FHL5: variants seen among roughly 807,000 people sequenced by gnomAD.
FHL5 encodes the protein four and a half LIM domains 5.
Under a neutral mutation model 32.0 loss-of-function variants are expected in FHL5, and 33 were observed. The ratio of observed to expected loss-of-function variants is 1.03; its 90% CI spans 0.78 to 1.38. The LOEUF (loss-of-function observed/expected upper bound fraction) is 1.38, where lower values mean the gene tolerates loss of function less well. Among genes scored for constraint, FHL5 ranks in the 40% most tolerant of loss-of-function variants. FHL5 has a pLI of 0.00. For synonymous variants in FHL5, 114 were observed against 113.6 expected, an observed-to-expected ratio of 1.00 and a Z score of -0.02; for missense variants, 336 against 343.9, an observed-to-expected ratio of 0.98 and a Z score of 0.18.
At chr6:96,571,969 A>G (rs1770488166) in intron 1 of FHL5, among the ~76,000 whole-genome samples, 1 of 152,114 alleles carries the variant, frequency 6.6e-6, no homozygotes, top group African/African-American at 2.4e-5. Context: ...TGGGTAGGAA[A>G]AAACACAGCA....
intron 1 of FHL5, among the ~76,000 whole-genome samples, chr6:96,587,184 C>T (rs1477974761): frequency 1.3e-5 from 2 of 152,076 alleles, no homozygotes; most frequent in South Asian, 2.1e-4. Context: ...AGCTGAAAAA[C>T]GCACAAGAAA....
At chr6:96,612,947 T>C (rs983510965) in intron 5 of FHL5, among the ~76,000 whole-genome samples, 1 of 152,184 alleles carries the variant, frequency 6.6e-6, no homozygotes, top group Non-Finnish European at 1.5e-5. Context: ...TTAATCTGAT[T>C]ATTATGTCAC....
At chr6:96,566,878 T>C (rs1029432318) in intron 1 of FHL5, among the ~76,000 whole-genome samples, 1 of 152,028 alleles carries the variant, frequency 6.6e-6, no homozygotes. Flanking sequence ...TTTTATATTA[T>C]GAATATTAAA....
rs1480689541 is a variant in FHL5 at position 96,604,836 on chromosome 6, T to C, written c.246T>C (p.Ala82=). Residue 82 remains alanine, a synonymous_variant, in exon 3 of 6, where the codon GCT becomes GCC. Transcript: ENST00000450218. ...CNHSLVEKPF[A]AKDERLLCTE... Reference sequence around the variant, plus strand: ...ACTCTTTGGTGGAAAAGCCTTTTGCTGCCAAGGATGAGCGCCTGCTGTGCA... The same window carrying C: ...ACTCTTTGGTGGAAAAGCCTTTTGCCGCCAAGGATGAGCGCCTGCTGTGCA... 1.2e-6 allele frequency: 2 copies of C among 1,614,100 alleles called. No individual in the cohort carries two copies. The highest frequency in any genetic ancestry group is 1.7e-6 in the Non-Finnish European group (2 of 1,179,930).
In FHL5 at chr6:96,614,998, G is replaced by A. The variant is rs187025613; in HGVS notation, c.692-611G>A. Among the ~76,000 whole-genome samples the A allele has an allele frequency of 2.1e-3, 316 of 149,048 alleles. 1 individual carries two copies. The highest frequency in any genetic ancestry group is 5.0e-3 in the African/African-American group (200 of 39,864). ...GGTAATAAGGCCATCACGTTAGGAT[G>A]GCTGAATGATTAGACAAAATCCTCT... On this transcript the variant is annotated intron_variant, in intron 5 of 5. Coordinates refer to ENST00000450218, the MANE Select transcript of FHL5 (RefSeq NM_001322466.2).
Position 96,617,877 on chromosome 6 carries a change from A to G in FHL5, c.*2105A>G, listed in dbSNP as rs967193977. On this transcript the variant is annotated 3_prime_UTR_variant, in exon 6 of 6. Coordinates refer to ENST00000450218, the MANE Select transcript of FHL5 (RefSeq NM_001322466.2). ...AAGATTTTATTATCCTTTCATAAGT[A>G]TAAATATATATACTTTTACATATAA... 6.6e-6 allele frequency among the ~76,000 whole-genome samples: 1 copy of G among 152,222 alleles called. No individual in the cohort carries two copies. The highest frequency in any genetic ancestry group is 1.5e-5 in the Non-Finnish European group (1 of 68,052).
chr6:96,588,383 T>A (rs989146174), intron 1 of FHL5, among the ~76,000 whole-genome samples: 32 of 152,252 alleles, frequency 2.1e-4, no homozygotes, highest in African/African-American at 7.7e-4. Context: ...GCTAATTTTG[T>A]ATTTTCAGTA....
At chr6:96,600,977 G>A (rs538928217) in intron 1 of FHL5, among the ~76,000 whole-genome samples, 1 of 152,154 alleles carries the variant, frequency 6.6e-6, no homozygotes. Flanking sequence ...GACTGATTCT[G>A]TTCTCACCCT....
Position 96,571,962 on chromosome 6 carries a change from G to A in FHL5, c.-13+8607G>A, listed in dbSNP as rs546395553. Among the ~76,000 whole-genome samples the A allele has an allele frequency of 6.2e-4, 95 of 152,210 alleles. 1 individual carries two copies. The South Asian group carries it at 0.017, about 27-fold the overall frequency. ...TGTTTGTTCCCTGGGTGACAGGTGG[G>A]TAGGAAAAAACACAGCAATGACTCC... On this transcript the variant is annotated intron_variant, in intron 1 of 5. Transcript: ENST00000450218.
At position 96,610,637 on chromosome 6, in the gene FHL5, T is replaced by C. The variant is rs1290595425; in HGVS notation, c.570T>C (p.Ser190=). The change falls in exon 5 of 6, where the codon AGT becomes AGC. Residue 190 remains serine, a synonymous_variant. Transcript: ENST00000450218. ...QLWHKECFLC[S]GCRKDLCEEQ... ...GGCATAAAGAGTGTTTTCTGTGTAG[T>C]GGCTGTAGGAAAGATCTCTGTGAAG... 6.2e-7 allele frequency: 1 copy of C among 1,613,852 alleles called. No individual in the cohort carries two copies. Among genetic ancestry groups the C allele is most frequent in the South Asian group, 1.1e-5 (1 of 91,078 alleles).
intron 1 of FHL5, among the ~76,000 whole-genome samples, chr6:96,572,191 C>T (rs953651081): frequency 6.6e-6 from 1 of 152,200 alleles, no homozygotes; most frequent in Non-Finnish European, 1.5e-5. Context: ...CTGGGCTGCA[C>T]AAGCACTGTT....
At chr6:96,603,015 T>A (rs903990401) in intron 1 of FHL5, among the ~76,000 whole-genome samples, 5 of 152,194 alleles carry the variant, frequency 3.3e-5, no homozygotes, top group South Asian at 2.1e-4. Flanking sequence ...ACATTTGGGA[T>A]GGTGGAAGCC....
At chr6:96,579,025 G>T (rs1050634370) in intron 1 of FHL5, among the ~76,000 whole-genome samples, 1 of 152,078 alleles carries the variant, frequency 6.6e-6, no homozygotes, top group Non-Finnish European at 1.5e-5. Context: ...TCTGTAAAAT[G>T]AGGACTTGAA....
chr6:96,601,540 T>C (rs1329896403), intron 1 of FHL5, among the ~76,000 whole-genome samples: 1 of 152,188 alleles, frequency 6.6e-6, no homozygotes, highest in Non-Finnish European at 1.5e-5. Flanking sequence ...ACAATTGAAA[T>C]ATTATCAATT....
chr6:96,576,397 G>A (rs994950120), intron 1 of FHL5, among the ~76,000 whole-genome samples: 1 of 152,214 alleles, frequency 6.6e-6, no homozygotes, highest in Non-Finnish European at 1.5e-5. Flanking sequence ...AGCATACTGT[G>A]GGTGGTAAAG....
In FHL5 at chr6:96,599,197, T is replaced by G. The variant is rs551206442; in HGVS notation, c.-12-4405T>G. ...ATTACCAGTGAACTTACATCTTTTT[T>G]TTTTTTTTTTTTTTTGAGATGGAGT... On this transcript the variant is annotated intron_variant, in intron 1 of 5. Transcript: ENST00000450218. 3.3e-3 allele frequency among the ~76,000 whole-genome samples: 489 copies of G among 148,518 alleles called. 2 individuals carry two copies. The highest frequency in any genetic ancestry group is 0.012 in the African/African-American group (463 of 40,022).
chr6:96,593,684 A>C (rs1177773147), intron 1 of FHL5, among the ~76,000 whole-genome samples: 1 of 152,116 alleles, frequency 6.6e-6, no homozygotes, highest in Middle Eastern at 3.2e-3. Context: ...AGTGCCATAC[A>C]GCTTCTCAGA....
At chr6:96,615,221 A>G (rs534077115) in intron 5 of FHL5, among the ~76,000 whole-genome samples, 264 of 152,296 alleles carry the variant, frequency 1.7e-3, no homozygotes, top group Non-Finnish European at 2.4e-3. Context: ...TCATATAGAG[A>G]AAAAGGGGAA....
intron 4 of FHL5, among the ~76,000 whole-genome samples, chr6:96,607,039 C>A (rs1055560544): frequency 6.6e-6 from 1 of 151,642 alleles, no homozygotes; most frequent in Non-Finnish European, 1.5e-5. Context: ...TCAAAAAAAA[C>A]ATTTTCTAAG....
Sources: gnomAD v4.1 joint callset for allele counts (sites outside exome capture counted in the v4.1 genomes callset) on GRCh38, gnomAD v4.1.1 for gene constraint, MANE v1.5 for transcripts, NCBI Gene and HGNC (gene_info 2026-07-23, HGNC 2026-07-21) for gene names.